ZEB1: variants seen among roughly 807,000 people sequenced by gnomAD.
The protein encoded by ZEB1 is zinc finger E-box binding homeobox 1.
A neutral mutation model predicts 84.9 loss-of-function variants in ZEB1; 21 were observed. The ratio of observed to expected loss-of-function variants is 0.25; its 90% CI spans 0.18 to 0.36. ZEB1 has a LOEUF of 0.36. ZEB1 is among the 10% of genes least tolerant of loss of function. The pLI is 1.00. For missense variants in ZEB1, 1,104 were observed against 1,330.2 expected (o/e 0.83, Z 2.65); for synonymous variants, 420 against 471.1 (o/e 0.89, Z 1.41).
intron 1 of ZEB1, among the ~76,000 whole-genome samples, chr10:31,329,871 A>G (rs2133222073): frequency 6.6e-6 from 1 of 152,216 alleles, no homozygotes; most frequent in Admixed American, 6.5e-5. Flanking sequence ...TGTTCAAATA[A>G]TTTGTCCATT....
chr10:31,409,618 C>T (rs574750119), intron 1 of ZEB1, among the ~76,000 whole-genome samples: 13 of 152,096 alleles, frequency 8.5e-5, no homozygotes, highest in African/African-American at 2.7e-4. Context: ...GCCATTTTCA[C>T]GATACTGATT....
intron 2 of ZEB1, among the ~76,000 whole-genome samples, chr10:31,462,496 G>C (rs1290889461): frequency 6.6e-6 from 1 of 152,206 alleles, no homozygotes; most frequent in Non-Finnish European, 1.5e-5. Context: ...GAAGGAAGGA[G>C]AAGTCGTAGA....
intron 1 of ZEB1, among the ~76,000 whole-genome samples, chr10:31,447,055 C>T (rs1325820833): frequency 1.3e-5 from 2 of 148,770 alleles, no homozygotes; most frequent in Non-Finnish European, 3.0e-5. Flanking sequence ...GTCTAAGTCT[C>T]TTTGTAGGTC....
intron 1 of ZEB1, 155 bp downstream of exon 1, chr10:31,319,447 C>A (rs1347959587): frequency 2.8e-6 from 2 of 711,338 alleles, no homozygotes; most frequent in Non-Finnish European, 2.3e-6. Flanking sequence ...CTCTGCCCCC[C>A]TCCGCTGCCG....
chr10:31,400,124 T>C (rs2135462786), intron 1 of ZEB1, among the ~76,000 whole-genome samples: 1 of 152,252 alleles, frequency 6.6e-6, no homozygotes, highest in South Asian at 2.1e-4. Flanking sequence ...CCATCTACCA[T>C]CCCATATATT....
At chr10:31,443,055 G>A (rs570654955) in intron 1 of ZEB1, among the ~76,000 whole-genome samples, 10 of 152,318 alleles carry the variant, frequency 6.6e-5, no homozygotes, top group African/African-American at 2.4e-4. Flanking sequence ...TTTGAAGCCA[G>A]AGAGAGCAAG....
intron 2 of ZEB1, among the ~76,000 whole-genome samples, chr10:31,465,156 T>C (rs994667395): frequency 1.3e-5 from 2 of 152,142 alleles, no homozygotes; most frequent in African/African-American, 4.8e-5. Context: ...GCTGTGATAC[T>C]ATAATGATGT....
intron 1 of ZEB1, among the ~76,000 whole-genome samples, chr10:31,367,389 G>A (rs568478461): frequency 6.6e-6 from 1 of 152,272 alleles, no homozygotes; most frequent in South Asian, 2.1e-4. Flanking sequence ...CAGTTGAGAT[G>A]CTTATGAAGG....
intron 1 of ZEB1, among the ~76,000 whole-genome samples, chr10:31,431,830 A>G (rs970043738): frequency 6.6e-6 from 1 of 152,254 alleles, no homozygotes; most frequent in African/African-American, 2.4e-5. Context: ...TACGTAGTAT[A>G]ACTAACAGAT....
intron 1 of ZEB1, among the ~76,000 whole-genome samples, chr10:31,378,666 G>A (rs758615446): frequency 2.6e-5 from 4 of 151,834 alleles, no homozygotes; most frequent in Non-Finnish European, 5.9e-5. Context: ...GCTTACTGCG[G>A]TGTATTGGGG....
At chr10:31,319,510 C>A in intron 1 of ZEB1, 1 of 575,004 alleles carries the variant, frequency 1.7e-6, no homozygotes, top group Non-Finnish European at 3.1e-6. Context: ...CGTTATGTCT[C>A]TTACCTGGTC....
chr10:31,411,862 C>T (rs2054356993), intron 1 of ZEB1, among the ~76,000 whole-genome samples: 1 of 152,042 alleles, frequency 6.6e-6, no homozygotes, highest in Non-Finnish European at 1.5e-5. Context: ...ACCTTTTATT[C>T]TAATAAACTG....
chr10:31,472,229 A>G lies in ZEB1; in HGVS notation c.259+10992A>G, dbSNP rs539764557. ...CTAAAATCAGAGCAGAACTGAAGGA[A>G]ATAGAGACACAAAAAACCCTTCAAA... On this transcript the variant is annotated intron_variant, in intron 2 of 8. Transcript: ENST00000424869. 1.6e-3 allele frequency among the ~76,000 whole-genome samples: 238 copies of G among 152,084 alleles called. 2 individuals are homozygous for G. The highest frequency in any genetic ancestry group is 4.8e-3 in the African/African-American group (199 of 41,412).
chr10:31,390,286 T>G lies in ZEB1; in HGVS notation c.59-70751T>G, dbSNP rs775544040. Among the ~76,000 whole-genome samples, 39 of 152,260 alleles carry G rather than the reference T, an allele frequency of 2.6e-4. No individual in the cohort carries two copies. In the Middle Eastern group the frequency reaches 0.014, roughly 53 times the overall value. ...GACATCATCAGGCTGCCTGGAATCT[T>G]GGAGGACTAGAAAATAGAGCATCTC... On this transcript the variant is annotated intron_variant, in intron 1 of 8. Transcript: ENST00000424869.
At chr10:31,454,622 A>G (rs1173757221) in intron 1 of ZEB1, among the ~76,000 whole-genome samples, 1 of 151,482 alleles carries the variant, frequency 6.6e-6, no homozygotes, top group East Asian at 1.9e-4. Flanking sequence ...CTATACACCA[A>G]TAACAGAGAA....
At chr10:31,514,509 C>A (rs1007704775) in intron 5 of ZEB1, 94 bp from the exon 6 acceptor site, 8 of 1,103,484 alleles carry the variant, frequency 7.2e-6, no homozygotes, top group Non-Finnish European at 1.1e-5. Flanking sequence ...AAACAACCAT[C>A]AGGCTCACAA....
intron 1 of ZEB1, among the ~76,000 whole-genome samples, chr10:31,385,234 A>G (rs904714124): frequency 7.2e-5 from 11 of 152,178 alleles, no homozygotes; most frequent in Admixed American, 7.2e-4. Context: ...CAAGTTTACT[A>G]CCTGTTTTCT....
At chr10:31,346,725 T>C (rs1590152409) in intron 1 of ZEB1, among the ~76,000 whole-genome samples, 2 of 152,266 alleles carry the variant, frequency 1.3e-5, no homozygotes, top group South Asian at 4.1e-4. Flanking sequence ...CTGCCTTTAG[T>C]CTGGTTGTTC....
chr10:31,407,499 A>T (rs1441067038), intron 1 of ZEB1, among the ~76,000 whole-genome samples: 13 of 151,538 alleles, frequency 8.6e-5, no homozygotes, highest in African/African-American at 2.4e-4. Flanking sequence ...CTATCATTGT[A>T]GGACATTTGG....
Sources: allele counts gnomAD v4.1 joint callset (sites outside exome capture counted in the v4.1 genomes callset), GRCh38; gene constraint gnomAD v4.1.1; transcripts MANE v1.5; gene names NCBI Gene and HGNC (gene_info 2026-07-23, HGNC 2026-07-21).